GRIP1: variants seen among roughly 807,000 people sequenced by gnomAD.
GRIP1 encodes glutamate receptor-interacting protein 1.
A neutral mutation model predicts 129.9 loss-of-function variants in GRIP1; 45 were observed. The ratio of observed to expected loss-of-function variants is 0.35; its 90% CI spans 0.27 to 0.44. GRIP1 has a LOEUF of 0.44. GRIP1 is among the 20% of genes least tolerant of loss of function. The pLI, the probability that GRIP1 is intolerant of heterozygous loss-of-function variation, is 1.00. For missense variants in GRIP1, 1,196 were observed against 1,396.8 expected, an observed-to-expected ratio of 0.86 and a Z score of 2.29; for synonymous variants, 530 against 520.8, an observed-to-expected ratio of 1.02 and a Z score of -0.24.
intron 1 of GRIP1, among the ~76,000 whole-genome samples, chr12:67,047,850 A>G (rs2135836721): frequency 6.6e-6 from 1 of 152,332 alleles, no homozygotes; most frequent in East Asian, 1.9e-4. Flanking sequence ...TATACCTATC[A>G]TCAAATTGCT....
At chr12:66,482,324 T>C (rs552776979) in intron 7 of GRIP1, among the ~76,000 whole-genome samples, 2 of 152,300 alleles carry the variant, frequency 1.3e-5, no homozygotes, top group South Asian at 2.1e-4. Flanking sequence ...TGAGCTGACA[T>C]GGCTGGGATG....
At chr12:66,889,402 C>T (rs182391674) in intron 1 of GRIP1, among the ~76,000 whole-genome samples, 1 of 152,148 alleles carries the variant, frequency 6.6e-6, no homozygotes, top group Non-Finnish European at 1.5e-5. Context: ...CAGAGGTTGC[C>T]ATGAGCCAAG....
intron 1 of GRIP1, among the ~76,000 whole-genome samples, chr12:66,946,734 G>GTAAT (rs2041673393): frequency 7.9e-6 from 1 of 126,940 alleles, no homozygotes; most frequent in South Asian, 3.0e-4. Context: ...GTTTACGCCT[G>GTAAT]TAATTCCAGC....
intron 7 of GRIP1, among the ~76,000 whole-genome samples, chr12:66,496,769 T>C (rs1294974404): frequency 1.3e-5 from 2 of 152,000 alleles, no homozygotes; most frequent in Admixed American, 6.6e-5. Flanking sequence ...GGCATCCTGA[T>C]GCTTTTATCT....
intron 1 of GRIP1, among the ~76,000 whole-genome samples, chr12:66,644,510 T>G (rs1394908388): frequency 6.6e-6 from 1 of 152,172 alleles, no homozygotes; most frequent in African/African-American, 2.4e-5. Context: ...AAAAGAAGAT[T>G]GAAAATCCTT....
At chr12:66,880,708 G>A (rs2040463269) in intron 1 of GRIP1, among the ~76,000 whole-genome samples, 1 of 152,064 alleles carries the variant, frequency 6.6e-6, no homozygotes, top group Non-Finnish European at 1.5e-5. Flanking sequence ...AAAATAGTGG[G>A]AACATGACAT....
chr12:66,896,480 G>GAAAAAAAAAAAAAAA (rs5798843), intron 1 of GRIP1, among the ~76,000 whole-genome samples: 10 of 107,866 alleles, frequency 9.3e-5, no homozygotes, highest in East Asian at 5.9e-4. Flanking sequence ...TGAGGAATTT[G>GAAAAAAAAAAAAAAA]AAAAAAAAAA....
At chr12:66,590,380 TA>T (rs1192564675) in intron 2 of GRIP1, among the ~76,000 whole-genome samples, 1 of 152,192 alleles carries the variant, frequency 6.6e-6, no homozygotes, top group Non-Finnish European at 1.5e-5. Context: ...TCCAAATCAC[TA>T]ATGAAAGCTA....
At chr12:66,930,457 T>C (rs912940404) in intron 1 of GRIP1, among the ~76,000 whole-genome samples, 53 of 151,118 alleles carry the variant, frequency 3.5e-4, no homozygotes, top group Admixed American at 5.9e-4. Flanking sequence ...TATGGCTGCA[T>C]AGTATTCCAT....
intron 1 of GRIP1, among the ~76,000 whole-genome samples, chr12:66,822,930 A>G (rs1484659907): frequency 1.3e-5 from 2 of 152,214 alleles, no homozygotes; most frequent in African/African-American, 4.8e-5. Flanking sequence ...TGAGCATCAC[A>G]TGATATGCCC....
At chr12:66,402,606 G>C (rs1010606391) in intron 16 of GRIP1, among the ~76,000 whole-genome samples, 2 of 152,204 alleles carry the variant, frequency 1.3e-5, no homozygotes, top group African/African-American at 2.4e-5. Flanking sequence ...TGACCAGAGA[G>C]AGAATCATCA....
At chr12:66,964,293 C>T (rs563894698) in intron 1 of GRIP1, among the ~76,000 whole-genome samples, 1 of 152,152 alleles carries the variant, frequency 6.6e-6, no homozygotes, top group Admixed American at 6.6e-5. Flanking sequence ...ACAGAAAGGG[C>T]ATCAAAGGAC....
chr12:66,377,687 C>T (rs1405604847), intron 20 of GRIP1, among the ~76,000 whole-genome samples: 2 of 146,392 alleles, frequency 1.4e-5, no homozygotes, highest in South Asian at 2.2e-4. Context: ...TCATCTCACA[C>T]GAAATATAGA....
At chr12:66,619,249 C>G (rs540777036) in intron 1 of GRIP1, among the ~76,000 whole-genome samples, 2 of 152,202 alleles carry the variant, frequency 1.3e-5, no homozygotes, top group South Asian at 4.1e-4. Flanking sequence ...AGTGCTATTT[C>G]TCTTTTAAAA....
intron 23 of GRIP1, among the ~76,000 whole-genome samples, chr12:66,356,060 G>A (rs1000132291): frequency 6.6e-6 from 1 of 152,202 alleles, no homozygotes; most frequent in Non-Finnish European, 1.5e-5. Flanking sequence ...GTGGACACGA[G>A]AGGGAGGGCA....
chr12:66,890,569 A>G (rs1294072188), intron 1 of GRIP1, among the ~76,000 whole-genome samples: 1 of 152,232 alleles, frequency 6.6e-6, no homozygotes, highest in Non-Finnish European at 1.5e-5. Context: ...GAAAGATGAC[A>G]CAACATTCGA....
In GRIP1 at chr12:66,445,470, C is replaced by T; in HGVS notation, c.1393G>A (p.Val465Ile). The T allele has an allele frequency of 1.9e-6, 3 of 1,614,032 alleles. No individual in the cohort carries two copies. The highest frequency in any genetic ancestry group is 1.7e-6 in the Non-Finnish European group (2 of 1,179,962). The change falls in exon 12 of 25, where the codon GTT (valine) becomes ATT (isoleucine). Residue 465 changes from valine to isoleucine, a missense_variant. Physicochemically the swap from Val to Ile is conservative, Grantham distance 29. Around this residue, in one of 5 missense-constraint regions of GRIP1, gnomAD observed 508 missense variants for 587.0 expected, o/e 0.87. Transcript: ENST00000359742. ...ACCTCTGTGGTTTCTGTGTGAACAA[C>T]CTGCCCAGCCAATCCTACTGTGCTG... ...ASSTVGLAGQ[V>I]VHTETTEVVL...
At chr12:66,938,687 A>G (rs996910578) in intron 1 of GRIP1, among the ~76,000 whole-genome samples, 3 of 152,094 alleles carry the variant, frequency 2.0e-5, no homozygotes, top group African/African-American at 4.8e-5. Context: ...GGCCAGGCAT[A>G]GTGGCTCATG....
chr12:66,866,542 C>A (rs549508743), intron 1 of GRIP1, among the ~76,000 whole-genome samples: 1 of 152,204 alleles, frequency 6.6e-6, no homozygotes, highest in African/African-American at 2.4e-5. Flanking sequence ...TGACTAAGAC[C>A]TACTAATTGA....
Sources: allele counts gnomAD v4.1 joint callset (sites outside exome capture counted in the v4.1 genomes callset), GRCh38; gene constraint gnomAD v4.1.1; regional missense constraint gnomAD v4.1.1; transcripts MANE v1.5; gene names NCBI Gene and HGNC (gene_info 2026-07-23, HGNC 2026-07-21).